Variants in MDGA2 observed in about 807,000 individuals in gnomAD.
The protein encoded by MDGA2 is MAM domain-containing glycosylphosphatidylinositol anchor protein 2.
MDGA2 carries 40 observed loss-of-function variants against 117.8 expected under a neutral mutation model. The observed-to-expected ratio is 0.34, with a 90% CI of 0.26 to 0.44. The LOEUF (loss-of-function observed/expected upper bound fraction) is 0.44. Among genes scored for constraint, MDGA2 ranks in the 20% least tolerant of loss-of-function variants. The pLI is 1.00. For synonymous variants in MDGA2, 452 were observed against 439.0 expected, an observed-to-expected ratio of 1.03 and a Z score of -0.37; for missense variants, 1,123 against 1,250.6, an observed-to-expected ratio of 0.90 and a Z score of 1.54.
intron 2 of MDGA2, among the ~76,000 whole-genome samples, chr14:47,293,968 T>G (rs1373733541): frequency 6.6e-6 from 1 of 152,120 alleles, no homozygotes; most frequent in African/African-American, 2.4e-5. Flanking sequence ...CTGTAAGTGT[T>G]TCCTCCTAAA....
intron 1 of MDGA2, among the ~76,000 whole-genome samples, chr14:47,399,514 G>A (rs965060284): frequency 7.9e-5 from 12 of 152,040 alleles, no homozygotes; most frequent in African/African-American, 2.2e-4. Context: ...CAATCTCTTC[G>A]GGAACCTCAG....
chr14:47,297,876 A>G (rs1042054380), intron 2 of MDGA2, among the ~76,000 whole-genome samples: 1 of 152,230 alleles, frequency 6.6e-6, no homozygotes, highest in Non-Finnish European at 1.5e-5. Context: ...ATCCAAATCT[A>G]GATCTTAGAG....
At chr14:47,175,834 C>T (rs894307347) in intron 3 of MDGA2, among the ~76,000 whole-genome samples, 3 of 150,848 alleles carry the variant, frequency 2.0e-5, no homozygotes, top group Admixed American at 1.3e-4. Flanking sequence ...AAAGGGTATT[C>T]AATTAGGAAA....
intron 3 of MDGA2, among the ~76,000 whole-genome samples, chr14:47,149,187 C>T (rs374035020): frequency 8.5e-5 from 13 of 152,060 alleles, no homozygotes; most frequent in East Asian, 5.8e-4. Context: ...CTAGTCAGGA[C>T]GCTGAGGCAG....
intron 10 of MDGA2, among the ~76,000 whole-genome samples, chr14:46,894,883 C>G (rs1229878639): frequency 6.6e-6 from 1 of 152,094 alleles, no homozygotes; most frequent in Non-Finnish European, 1.5e-5. Flanking sequence ...GGAAAAAACA[C>G]ATTCTAATTA....
chr14:47,400,161 T>C (rs530116103), intron 1 of MDGA2, among the ~76,000 whole-genome samples: 3 of 152,292 alleles, frequency 2.0e-5, no homozygotes, highest in South Asian at 2.1e-4. Flanking sequence ...AGCACGCATA[T>C]TCCTTTACTA....
At chr14:47,622,399 G>A (rs1566545771) in intron 1 of MDGA2, among the ~76,000 whole-genome samples, 1 of 152,214 alleles carries the variant, frequency 6.6e-6, no homozygotes, top group Non-Finnish European at 1.5e-5. Flanking sequence ...AAAGGAAGCA[G>A]CAATTATAAG....
chr14:47,101,082 T>C (rs1292188111), intron 5 of MDGA2, among the ~76,000 whole-genome samples: 1 of 98,664 alleles, frequency 1.0e-5, no homozygotes, highest in African/African-American at 4.3e-5. Flanking sequence ...GGACGATAGA[T>C]AGATAGATAG....
Position 47,674,823 on chromosome 14 carries a change from ACACTCTCC to A in MDGA2, c.-35_-28del, listed in dbSNP as rs1158114658. On this transcript the variant is annotated 5_prime_UTR_variant, in exon 1 of 17. Transcript: ENST00000399232. Reference sequence around the variant, plus strand: ...CACACACACACTCACACACACTCACACACTCTCCCACAACACAATACCCTGACACACAC... The same window carrying A: ...CACACACACACTCACACACACTCACACACAACACAATACCCTGACACACAC... The A allele has an allele frequency of 9.4e-6, 6 of 638,142 alleles. No individual in the cohort carries two copies. Among genetic ancestry groups the A allele is most frequent in the Non-Finnish European group, 1.7e-5 (6 of 359,018 alleles). The allele number at this position is 638,142 out of a possible 1,614,324, so 39.5% of individuals were successfully genotyped here. A position where few individuals can be genotyped will look rare whatever the true frequency, so the allele number is the denominator to read the frequency against.
At chr14:47,619,960 C>T (rs1594947186) in intron 1 of MDGA2, among the ~76,000 whole-genome samples, 1 of 152,222 alleles carries the variant, frequency 6.6e-6, no homozygotes, top group Admixed American at 6.5e-5. Context: ...CACTTGATTC[C>T]GATGGCTCAA....
intron 6 of MDGA2, among the ~76,000 whole-genome samples, chr14:47,074,189 T>C (rs527402734): frequency 2.7e-4 from 41 of 152,306 alleles, no homozygotes; most frequent in Non-Finnish European, 4.0e-4. Flanking sequence ...AACTTCTTTA[T>C]CTTCTGAAGC....
intron 10 of MDGA2, among the ~76,000 whole-genome samples, chr14:46,897,839 T>C (rs1883139429): frequency 1.3e-5 from 2 of 151,948 alleles, no homozygotes. Context: ...AACATGGAGA[T>C]ATGACCTTGC....
At chr14:47,323,112 T>C (rs1238100431) in intron 1 of MDGA2, among the ~76,000 whole-genome samples, 1 of 143,240 alleles carries the variant, frequency 7.0e-6, no homozygotes, top group Non-Finnish European at 1.5e-5. Flanking sequence ...TGAACTTTGT[T>C]ATGTGTTGAA....
chr14:46,873,185 T>G, intron 14 of MDGA2: 1 of 375,754 alleles, frequency 2.7e-6, no homozygotes. Context: ...ATTTAACTCA[T>G]TGATTGTCTA....
At chr14:47,358,660 C>T (rs540563122) in intron 1 of MDGA2, among the ~76,000 whole-genome samples, 50 of 152,194 alleles carry the variant, frequency 3.3e-4, no homozygotes, top group African/African-American at 1.1e-3. Context: ...CATGTCTTTA[C>T]GTCAATAAAG....
intron 6 of MDGA2, among the ~76,000 whole-genome samples, chr14:47,069,496 C>G (rs1010587992): frequency 2.6e-5 from 4 of 152,122 alleles, no homozygotes; most frequent in Admixed American, 6.5e-5. Flanking sequence ...TTGAACAGTT[C>G]TAACATTCGA....
In MDGA2 at chr14:47,141,908, T is replaced by C. The variant is rs142238046; in HGVS notation, c.792+2170A>G. Among the ~76,000 whole-genome samples, 46 of 152,336 alleles carry C rather than the reference T, an allele frequency of 3.0e-4. No individual in the cohort carries two copies. In the East Asian group the frequency reaches 6.6e-3, roughly 22 times the overall value. On this transcript the variant is annotated intron_variant, in intron 4 of 16. Transcript: ENST00000399232. ...ATGAAGAAATGATAAATGTATCAGG[T>C]AATGGATATGCTAAATACCCTGATT...
intron 4 of MDGA2, among the ~76,000 whole-genome samples, chr14:47,132,993 A>G (rs1882278007): frequency 6.6e-6 from 1 of 151,762 alleles, no homozygotes; most frequent in Non-Finnish European, 1.5e-5. Flanking sequence ...AGTTTTGCAA[A>G]TCTGTCAAAT....
At chr14:47,593,539 T>TA (rs1202363432) in intron 1 of MDGA2, among the ~76,000 whole-genome samples, 1 of 152,164 alleles carries the variant, frequency 6.6e-6, no homozygotes, top group Non-Finnish European at 1.5e-5. Context: ...CATGGAATAC[T>TA]ATGCAGCCAG....
Sources: gnomAD v4.1 joint callset for allele counts (sites outside exome capture counted in the v4.1 genomes callset) on GRCh38, gnomAD v4.1.1 for gene constraint, MANE v1.5 for transcripts, NCBI Gene and HGNC (gene_info 2026-07-23, HGNC 2026-07-21) for gene names.